HOXB2: variants seen among roughly 807,000 people sequenced by gnomAD.
HOXB2 encodes the protein homeobox protein Hox-B2.
HOXB2 carries 14 observed loss-of-function variants against 13.1 expected under a neutral mutation model. That is an observed-to-expected ratio of 1.07 (90% CI 0.71 to 1.67). HOXB2 has a LOEUF of 1.67. Among genes scored for constraint, HOXB2 ranks in the 40% most tolerant of loss-of-function variants. The pLI is 0.00. For missense variants in HOXB2, 582 were observed against 488.3 expected (o/e 1.19, Z -1.81); for synonymous variants, 261 against 233.1 (o/e 1.12, Z -1.09).
In HOXB2 at chr17:48,542,884, A is replaced by G. The variant is rs1598737451; in HGVS notation, c.*184T>C. 4.6e-6 allele frequency: 2 copies of G among 436,348 alleles called. No homozygotes were observed. The highest frequency in any genetic ancestry group is 4.0e-6 in the Non-Finnish European group (1 of 249,562). 27.0% of individuals were successfully genotyped at this position (436,348 alleles called of 1,614,324 possible). A position where few individuals can be genotyped will look rare whatever the true frequency, so the allele number is the denominator to read the frequency against. On this transcript the variant is annotated 3_prime_UTR_variant, in exon 2 of 2. Coordinates refer to ENST00000330070, the MANE Select transcript of HOXB2 (RefSeq NM_002145.4). Reference sequence around the variant, plus strand: ...ACGGAATTTTTCTGTGTGAATTTTAAAAGATAACCGAGTGCCCAATATTTT... The same window carrying G: ...ACGGAATTTTTCTGTGTGAATTTTAGAAGATAACCGAGTGCCCAATATTTT...
At position 48,543,271 on chromosome 17, in the gene HOXB2, A is replaced by C; in HGVS notation, c.868T>G (p.Leu290Val). Residue 290 changes from leucine to valine, a missense_variant, in exon 2 of 2, where the codon TTG (leucine) becomes GTG (valine). By Grantham distance (32) the Leu-to-Val change is conservative (BLOSUM62 1). Coordinates refer to ENST00000330070, the MANE Select transcript of HOXB2 (RefSeq NM_002145.4). ...CGCCCCGAGAAGACGTCTTCTGGCA[A>C]TGGCCCGGGCTCCAGCCCGCCGGCC... ...RGAGGLEPGP[L>V]PEDVFSGRQD... 1 of 1,606,092 alleles carries C rather than the reference A, an allele frequency of 6.2e-7. No individual in the cohort carries two copies. The highest frequency in any genetic ancestry group is 2.2e-5 in the East Asian group (1 of 44,762).
rs551015933 is a variant in HOXB2, at chr17:48,543,806, C to T, written c.392-59G>A. On this transcript the variant is annotated intron_variant, in intron 1 of 1. Transcript: ENST00000330070. ...CCGTGTACTCAGCCCAACCTCAGTT[C>T]GGACTACCCCATCCTCCAAAACCAG... 1,837 of 1,511,354 alleles carry T rather than the reference C, an allele frequency of 1.2e-3. 4 individuals carry two copies. Among genetic ancestry groups the T allele is most frequent in the Non-Finnish European group, 1.4e-3 (1,581 of 1,134,328 alleles). 93.6% of individuals were successfully genotyped at this position (1,511,354 alleles called of 1,614,324 possible).
intron 1 of HOXB2, 186 bp downstream of exon 1, chr17:48,544,333 GAA>G (rs57220730): frequency 2.2e-4 from 270 of 1,212,752 alleles, no homozygotes; most frequent in South Asian, 9.2e-4. Flanking sequence ...GAGAGAGACA[GAA>G]AAAAAAAAAG....
rs1004810726 is a variant in HOXB2 at position 48,544,764 on chromosome 17, C to T, written c.148G>A (p.Glu50Lys). 6.2e-6 allele frequency: 10 copies of T among 1,613,728 alleles called. No individual in the cohort carries two copies. The highest frequency in any genetic ancestry group is 3.3e-5 in the Admixed American group (2 of 59,966). Residue 50 changes from glutamate (E) to lysine (K), a missense_variant, in exon 1 of 2, where the codon GAG becomes AAG. Transcript: ENST00000330070. ...GGCTGGAGGCTGGGGAAGGTTTGCT[C>T]GAAAGGAGGAGGAGGAGGAATTAAT... Reference protein sequence around the residue: ...STLIPPPPPFEQTFPSLQPGA... With the variant: ...STLIPPPPPFKQTFPSLQPGA...
intron 1 of HOXB2, chr17:48,544,006 G>T: frequency 7.9e-7 from 1 of 1,271,090 alleles, no homozygotes; most frequent in African/African-American, 1.5e-5. Context: ...GCTCCCTTCG[G>T]CGCCGGAACC....
chr17:48,543,582 T>G lies in HOXB2; in HGVS notation c.557A>C (p.Gln186Pro), dbSNP rs2068528517. The G allele has an allele frequency of 1.9e-6, 3 of 1,613,184 alleles. No individual in the cohort carries two copies. Among genetic ancestry groups the G allele is most frequent in the Non-Finnish European group, 1.7e-6 (2 of 1,179,942 alleles). Residue 186 changes from glutamine to proline, a missense_variant, in exon 2 of 2, where the codon CAG becomes CCG. Transcript: ENST00000330070. ...CCGGTTCTGAAACCAGACTTTGACCTGCCTTTCGGTGAGGTCCAGCAAGGC... is the reference window on the plus strand; with the variant it reads ...CCGGTTCTGAAACCAGACTTTGACCGGCCTTTCGGTGAGGTCCAGCAAGGC... ...IAALLDLTER[Q>P]VKVWFQNRRM...
At position 48,544,663 on chromosome 17, in the gene HOXB2, C is replaced by T; in HGVS notation, c.249G>A (p.Pro83=). The T allele has an allele frequency of 6.2e-7, 1 of 1,610,306 alleles. No homozygotes were observed. Among genetic ancestry groups the T allele is most frequent in the African/African-American group, 1.3e-5 (1 of 74,920 alleles). ...CCGGGGGGGCAGCGGGGAGTGGCGG[C>T]GGCGGTGGCGGCGGCAGAGCAGGCC... The part of the protein sequence containing the change: ...EDGPALPPPP[P]PPLPAAPPAP... The change falls in exon 1 of 2, where the codon CCG becomes CCA. Residue 83 remains proline, a synonymous_variant. Transcript: ENST00000330070.
In HOXB2 at chr17:48,543,113, A is replaced by C. The variant is rs777448306; in HGVS notation, c.1026T>G (p.Asp342Glu). 5.0e-6 allele frequency: 8 copies of C among 1,612,704 alleles called. No homozygotes were observed. Among genetic ancestry groups the C allele is most frequent in the Admixed American group, 1.7e-5 (1 of 59,682 alleles). ...TGGCACAGAGCGTACTGGTGAAAAA[A>C]TCCAGCTCTTCCTCGGAAAAAGGGA... ...SPVPFSEEELDFFTSTLCAID... is the reference protein window; with the variant it reads ...SPVPFSEEELEFFTSTLCAID... The change falls in exon 2 of 2, where the codon GAT becomes GAG. Residue 342 changes from aspartate (D) to glutamate (E), a missense_variant. Asp to Glu is a conservative substitution (Grantham distance 45). Coordinates refer to ENST00000330070, the MANE Select transcript of HOXB2 (RefSeq NM_002145.4).
chr17:48,544,655 A>AGTG lies in HOXB2; in HGVS notation c.254_256dup (p.Pro85dup), dbSNP rs761688104. On this transcript the variant is annotated inframe_insertion, in exon 1 of 2. Transcript: ENST00000330070. ...CTCGGGGGCCGGGGGGGCAGCGGGG[A>AGTG]GTGGCGGCGGCGGTGGCGGCGGCAG... is the stretch of plus-strand genomic sequence containing the variant. 31 of 1,611,082 alleles carry AGTG rather than the reference A, an allele frequency of 1.9e-5. No individual in the cohort carries two copies. The Admixed American group carries it at 5.2e-4, about 27-fold the overall frequency.
At chr17:48,543,937 GC>G (rs2068536621) in intron 1 of HOXB2, 190 bp from the exon 2 acceptor site, 2 of 1,386,184 alleles carry the variant, frequency 1.4e-6, no homozygotes, top group Admixed American at 3.6e-5. Flanking sequence ...TACAGCCCCG[GC>G]CCGGGTCAGG....
At position 48,544,518 on chromosome 17, in the gene HOXB2, G is replaced by A; in HGVS notation, c.391+3C>T. On this transcript the variant is annotated splice_donor_region_variant and intron_variant, in intron 1 of 1. Coordinates refer to ENST00000330070, the MANE Select transcript of HOXB2 (RefSeq NM_002145.4). ...TCACCCCACCCCCACCACGCTTACC[G>A]ACCTGCAGGCGATCCGACCCCGGAG... 1 of 1,599,724 alleles carries A rather than the reference G, an allele frequency of 6.3e-7. No homozygotes were observed. The highest frequency in any genetic ancestry group is 8.5e-7 in the Non-Finnish European group (1 of 1,178,430).
At chr17:48,543,969 C>T in intron 1 of HOXB2, 3 of 1,305,702 alleles carry the variant, frequency 2.3e-6, no homozygotes, top group Non-Finnish European at 2.9e-6. Context: ...CAGAGCCGCC[C>T]ACGGGCCACG....
intron 1 of HOXB2, chr17:48,544,067 C>A: frequency 6.1e-6 from 6 of 985,350 alleles, no homozygotes; most frequent in Non-Finnish European, 7.2e-6. Flanking sequence ...TCGGAACTTT[C>A]CAACTCAACC....
rs372611225 is a variant in HOXB2 at position 48,544,718 on chromosome 17, C to A, written c.194G>T (p.Arg65Ile). The A allele has an allele frequency of 1.7e-5, 28 of 1,613,944 alleles. No homozygotes were observed. The African/African-American group carries it at 2.9e-4, about 17-fold the overall frequency. The change falls in exon 1 of 2, where the codon AGA (arginine) becomes ATA (isoleucine). Residue 65 changes from arginine to isoleucine, a missense_variant. Arg to Ile is a moderately conservative substitution (Grantham distance 97). Transcript: ENST00000330070. ...TTCGGCTCGCTTTTGGCTCCTGGGT[C>A]TCTGAAGGGTGGAGGCGCCGGGCTG... ...SLQPGASTLQ[R>I]PRSQKRAEDG...
At position 48,543,056 on chromosome 17, in the gene HOXB2, G is replaced by A; in HGVS notation, c.*12C>T. 3 of 1,568,056 alleles carry A rather than the reference G, an allele frequency of 1.9e-6. No homozygotes were observed. The highest frequency in any genetic ancestry group is 1.4e-5 in the African/African-American group (1 of 72,704). ...AGCGCGGGGGTCGAAAGGACCGGGAGGAGGAAACAGGTTAGGGAAACTGCA... is the reference window on the plus strand; with the variant it reads ...AGCGCGGGGGTCGAAAGGACCGGGAAGAGGAAACAGGTTAGGGAAACTGCA... On this transcript the variant is annotated 3_prime_UTR_variant, in exon 2 of 2. Transcript: ENST00000330070.
intron 1 of HOXB2, 113 bp from the exon 2 acceptor site, chr17:48,543,860 ACCCCCG>A: frequency 2.1e-6 from 1 of 470,420 alleles, no homozygotes; most frequent in Non-Finnish European, 3.3e-6. Flanking sequence ...TCGCCACCCC[ACCCCCG>A]CCCCCACCCC....
At position 48,544,633 on chromosome 17, in the gene HOXB2, G is replaced by A. The variant is rs1043862624; in HGVS notation, c.279C>T (p.Pro93=). 3 of 1,611,518 alleles carry A rather than the reference G, an allele frequency of 1.9e-6. No homozygotes were observed. Among genetic ancestry groups the A allele is most frequent in the Non-Finnish European group, 2.5e-6 (3 of 1,179,576 alleles). ...PPPLPAAPPA[P]EFPWMKEKKS... is the part of the protein sequence containing the mutation. ...TCTTCTCTTTCATCCAAGGGAACTCGGGGGCCGGGGGGGCAGCGGGGAGTG... is the reference window on the plus strand; with the variant it reads ...TCTTCTCTTTCATCCAAGGGAACTCAGGGGCCGGGGGGGCAGCGGGGAGTG... Residue 93 remains proline, a synonymous_variant, in exon 1 of 2, where the codon CCC becomes CCT. Coordinates refer to ENST00000330070, the MANE Select transcript of HOXB2 (RefSeq NM_002145.4).
Position 48,542,722 on chromosome 17 carries a change from CTAT to C in HOXB2, c.*343_*345del, listed in dbSNP as rs891205867. On this transcript the variant is annotated 3_prime_UTR_variant, in exon 2 of 2. Coordinates refer to ENST00000330070, the MANE Select transcript of HOXB2 (RefSeq NM_002145.4). ...GTACAATAAATACTTTCCCCTTTTC[CTAT>C]TATTAAAGAATTTTAATAAATAATC... is the stretch of plus-strand genomic sequence containing the variant. 5 of 180,408 alleles carry C rather than the reference CTAT, an allele frequency of 2.8e-5. No individual in the cohort carries two copies. The highest frequency in any genetic ancestry group is 7.0e-5 in the African/African-American group (3 of 42,610). 11.2% of individuals were successfully genotyped at this position (180,408 alleles called of 1,614,324 possible).
chr17:48,545,013 A>T lies in HOXB2; in HGVS notation c.-102T>A. 9.3e-7 allele frequency: 1 copy of T among 1,079,688 alleles called. No individual in the cohort carries two copies. The highest frequency in any genetic ancestry group is 1.3e-6 in the Non-Finnish European group (1 of 769,616). 66.9% of individuals were successfully genotyped at this position (1,079,688 alleles called of 1,614,324 possible). A position where few individuals can be genotyped will look rare whatever the true frequency, so the allele number is the denominator to read the frequency against. On this transcript the variant is annotated 5_prime_UTR_variant, in exon 1 of 2. Coordinates refer to ENST00000330070, the MANE Select transcript of HOXB2 (RefSeq NM_002145.4). ...CCCCCCCGATTTATGTAATGGAGCG[A>T]TTTTGGGAGGGGGAGATTTCGGTCT...
Sources: allele counts gnomAD v4.1 joint callset, GRCh38; gene constraint gnomAD v4.1.1; transcripts MANE v1.5; gene names NCBI Gene and HGNC (gene_info 2026-07-23, HGNC 2026-07-21).